The following AXDND1 variants were observed in gnomAD, a reference collection of about 807,000 sequenced individuals.
AXDND1 encodes the protein axonemal dynein light chain domain containing 1, also known as axonemal dynein light chain domain-containing protein 1.
AXDND1 carries 110 observed loss-of-function variants against 137.5 expected under a neutral mutation model. The observed-to-expected ratio is 0.80, with a 90% CI of 0.69 to 0.94. The LOEUF is 0.94. AXDND1 is among the 40% of genes least tolerant of loss of function. AXDND1 has a pLI of 0.00. For synonymous variants in AXDND1, 414 were observed against 399.7 expected, an observed-to-expected ratio of 1.04 and a Z score of -0.43; for missense variants, 1,191 against 1,169.8, an observed-to-expected ratio of 1.02 and a Z score of -0.26.
At chr1:179,460,384 A>T (rs914762369) in intron 16 of AXDND1, among the ~76,000 whole-genome samples, 38 of 151,996 alleles carry the variant, frequency 2.5e-4, no homozygotes, top group Non-Finnish European at 1.3e-4. Flanking sequence ...ATCCTTTTTT[A>T]TGGCTGGGCT....
intron 21 of AXDND1, among the ~76,000 whole-genome samples, chr1:179,519,247 T>A (rs1183791703): frequency 6.6e-6 from 1 of 152,242 alleles, no homozygotes; most frequent in East Asian, 1.9e-4. Flanking sequence ...TTTTTGCTTG[T>A]AAATTTGTTT....
intron 12 of AXDND1, among the ~76,000 whole-genome samples, chr1:179,418,716 G>C (rs1236424219): frequency 6.7e-6 from 1 of 149,886 alleles, no homozygotes; most frequent in African/African-American, 2.4e-5. Context: ...CGGGCGGGGG[G>C]CTGACCCCCA....
At chr1:179,369,837 A>G (rs1009496606) in intron 3 of AXDND1, 138 bp from the exon 4 acceptor site, 2 of 568,502 alleles carry the variant, frequency 3.5e-6, no homozygotes, top group African/African-American at 1.9e-5. Context: ...GTCATTTAAT[A>G]AGAATTCTGC....
intron 20 of AXDND1, among the ~76,000 whole-genome samples, chr1:179,493,247 G>T (rs1281344472): frequency 6.6e-6 from 1 of 151,910 alleles, no homozygotes; most frequent in Non-Finnish European, 1.5e-5. Flanking sequence ...TTATAAAAAT[G>T]GAATTATAAA....
intron 11 of AXDND1, among the ~76,000 whole-genome samples, chr1:179,397,409 C>T (rs1651231649): frequency 1.3e-5 from 2 of 152,128 alleles, no homozygotes; most frequent in South Asian, 2.1e-4. Context: ...TTCTAGATGC[C>T]TTTAACCTTT....
chr1:179,429,538 C>A lies in AXDND1; in HGVS notation c.1251C>A (p.Val417=). 6.5e-7 allele frequency: 1 copy of A among 1,547,016 alleles called. No homozygotes were observed. Among genetic ancestry groups the A allele is most frequent in the South Asian group, 1.2e-5 (1 of 81,110 alleles). ...TATAGGTGATTGAAAGAAATAGAGT[C>A]ATATTGGCTAGAAGACTTTACCTTA... ...LALKVIERNR[V]ILARRLYLNE... Residue 417 remains valine, a synonymous_variant, in exon 13 of 26, where the codon GTC becomes GTA. Coordinates refer to ENST00000367618, the MANE Select transcript of AXDND1 (RefSeq NM_144696.6).
intron 16 of AXDND1, chr1:179,452,682 G>A (rs866812551): frequency 4.9e-5 from 5 of 101,394 alleles, no homozygotes; most frequent in Non-Finnish European, 7.1e-5. Flanking sequence ...GCGACAGAGC[G>A]AGACTCCGTC....
intron 4 of AXDND1, among the ~76,000 whole-genome samples, chr1:179,375,774 A>G (rs1668559529): frequency 1.3e-5 from 2 of 152,108 alleles, no homozygotes; most frequent in African/African-American, 4.8e-5. Context: ...TAAAACCTCT[A>G]AGAGGGTGGA....
At chr1:179,533,304 C>T (rs1361846968) in intron 23 of AXDND1, among the ~76,000 whole-genome samples, 1 of 151,886 alleles carries the variant, frequency 6.6e-6, no homozygotes, top group Non-Finnish European at 1.5e-5. Flanking sequence ...TTTTCTTTGC[C>T]TGGCAAGATC....
chr1:179,482,051 G>A (rs939640310), intron 17 of AXDND1, among the ~76,000 whole-genome samples: 13 of 147,970 alleles, frequency 8.8e-5, no homozygotes, highest in South Asian at 2.1e-4. Context: ...TTCAGGCTAC[G>A]TTGCAAATGA....
At chr1:179,411,561 A>T (rs1033697805) in intron 12 of AXDND1, among the ~76,000 whole-genome samples, 1 of 152,100 alleles carries the variant, frequency 6.6e-6, no homozygotes, top group Non-Finnish European at 1.5e-5. Flanking sequence ...ATGAGGATGT[A>T]TATTTATTGA....
intron 21 of AXDND1, among the ~76,000 whole-genome samples, chr1:179,517,752 G>A (rs1031401009): frequency 1.3e-5 from 2 of 152,184 alleles, no homozygotes; most frequent in African/African-American, 4.8e-5. Flanking sequence ...GGGAGTGGAG[G>A]GTCTCCCTTT....
chr1:179,460,198 C>G (rs1662119313), intron 16 of AXDND1, among the ~76,000 whole-genome samples: 3 of 151,988 alleles, frequency 2.0e-5, no homozygotes, highest in East Asian at 1.9e-4. Context: ...CCACCTCCCC[C>G]CACCCCACGA....
intron 23 of AXDND1, among the ~76,000 whole-genome samples, chr1:179,528,734 G>A (rs1486726324): frequency 2.1e-5 from 3 of 146,124 alleles, no homozygotes; most frequent in East Asian, 4.1e-4. Flanking sequence ...TGGGATTACA[G>A]GTTCCTGCTA....
intron 9 of AXDND1, among the ~76,000 whole-genome samples, chr1:179,386,303 C>T (rs1443784005): frequency 6.6e-6 from 1 of 152,030 alleles, no homozygotes; most frequent in African/African-American, 2.4e-5. Flanking sequence ...CTGCCTTGGC[C>T]TTCCAAAGTG....
chr1:179,372,349 G>A (rs1003444059), intron 4 of AXDND1, among the ~76,000 whole-genome samples: 1 of 152,186 alleles, frequency 6.6e-6, no homozygotes, highest in Non-Finnish European at 1.5e-5. Flanking sequence ...AAAGGAGCTG[G>A]TATGAGGAAG....
chr1:179,402,164 C>A (rs931897296), intron 11 of AXDND1, among the ~76,000 whole-genome samples: 1,319 of 106,854 alleles, frequency 0.012, no homozygotes, highest in East Asian at 0.017. Context: ...GACTCCGTCT[C>A]AAAAAAAAAA....
intron 15 of AXDND1, among the ~76,000 whole-genome samples, chr1:179,435,586 C>T (rs1046162900): frequency 2.0e-5 from 3 of 152,122 alleles, no homozygotes; most frequent in African/African-American, 7.2e-5. Context: ...CAAAAACATG[C>T]AATGGGGAAA....
intron 25 of AXDND1, among the ~76,000 whole-genome samples, chr1:179,537,745 C>G (rs1671697404): frequency 6.6e-6 from 1 of 151,760 alleles, no homozygotes; most frequent in East Asian, 1.9e-4. Flanking sequence ...TTTTATTAAT[C>G]AGAATAGTTT....
Sources: gnomAD v4.1 joint callset for allele counts (sites outside exome capture counted in the v4.1 genomes callset) on GRCh38, gnomAD v4.1.1 for gene constraint, MANE v1.5 for transcripts, NCBI Gene and HGNC (gene_info 2026-07-23, HGNC 2026-07-21) for gene names.